The following NKAIN2 variants were observed in gnomAD, a reference collection of about 807,000 sequenced individuals.
NKAIN2 encodes sodium/potassium transporting ATPase interacting 2.
A neutral mutation model predicts 32.6 loss-of-function variants in NKAIN2; 14 were observed. That is an observed-to-expected ratio of 0.43 (90% CI 0.28 to 0.67). The LOEUF (loss-of-function observed/expected upper bound fraction) is 0.67. Ranked by LOEUF, NKAIN2 falls within the 30% of genes least tolerant of loss-of-function variation. The pLI, the probability that NKAIN2 is intolerant of heterozygous loss-of-function variation, is 0.17. For synonymous variants in NKAIN2, 80 were observed against 87.2 expected (o/e 0.92, Z 0.46); for missense variants, 198 against 258.3 (o/e 0.77, Z 1.60).
intron 1 of NKAIN2, among the ~76,000 whole-genome samples, chr6:123,806,461 GC>G (rs1773218416): frequency 2.6e-5 from 4 of 151,980 alleles, no homozygotes; most frequent in South Asian, 4.1e-4. Context: ...GGTAATTGTT[GC>G]TTTTTGGAAA....
At chr6:124,414,862 A>C (rs1036077344) in intron 3 of NKAIN2, among the ~76,000 whole-genome samples, 1 of 152,128 alleles carries the variant, frequency 6.6e-6, no homozygotes, top group African/African-American at 2.4e-5. Flanking sequence ...TGATATTGTT[A>C]ACTTGCTAAT....
chr6:124,054,299 C>A (rs1358807552), intron 1 of NKAIN2, among the ~76,000 whole-genome samples: 1 of 151,970 alleles, frequency 6.6e-6, no homozygotes, highest in Non-Finnish European at 1.5e-5. Flanking sequence ...ATAGAGAAAG[C>A]CTGACAGTGT....
At chr6:124,476,062 G>C (rs1248417502) in intron 3 of NKAIN2, among the ~76,000 whole-genome samples, 2 of 85,088 alleles carry the variant, frequency 2.4e-5, no homozygotes. Flanking sequence ...GAGAGAGAGA[G>C]AGAGTGTGTG....
At chr6:123,978,568 A>T (rs1778748684) in intron 1 of NKAIN2, among the ~76,000 whole-genome samples, 1 of 152,204 alleles carries the variant, frequency 6.6e-6, no homozygotes. Flanking sequence ...GTAGTCTCCT[A>T]GTCTCCCAGA....
At chr6:123,850,442 T>C (rs987018506) in intron 1 of NKAIN2, among the ~76,000 whole-genome samples, 2 of 151,842 alleles carry the variant, frequency 1.3e-5, no homozygotes, top group Non-Finnish European at 2.9e-5. Context: ...CCAGTCAATG[T>C]TATCAACAAA....
intron 1 of NKAIN2, among the ~76,000 whole-genome samples, chr6:123,900,634 A>C (rs1209125472): frequency 1.6e-5 from 2 of 128,836 alleles, no homozygotes; most frequent in East Asian, 5.3e-4. Context: ...TAACCCCCCG[A>C]GCTGGCGTCT....
At chr6:123,821,865 A>G (rs750135453) in intron 1 of NKAIN2, among the ~76,000 whole-genome samples, 35 of 152,238 alleles carry the variant, frequency 2.3e-4, no homozygotes, top group Non-Finnish European at 4.8e-4. Context: ...TAGTAAGAGT[A>G]GCAGGGGATG....
chr6:124,107,140 A>G (rs375165491), intron 1 of NKAIN2, among the ~76,000 whole-genome samples: 61 of 152,272 alleles, frequency 4.0e-4, no homozygotes, highest in African/African-American at 1.4e-3. Context: ...AACAAGTGCA[A>G]AGGCCTGAGG....
In NKAIN2 at chr6:123,935,306, A is replaced by G. The variant is rs188057649; in HGVS notation, c.54+131052A>G. Among the ~76,000 whole-genome samples, 47 of 151,586 alleles carry G rather than the reference A, an allele frequency of 3.1e-4. No individual in the cohort carries two copies. The Middle Eastern group carries it at 0.01, about 33-fold the overall frequency. ...GGGAGGTGTGAAATTATGAGGTGGT[A>G]TCCAAGTGTTTGGCTTAGAATGTCT... On this transcript the variant is annotated intron_variant, in intron 1 of 6. Transcript: ENST00000368417.
chr6:124,276,238 G>A (rs1259943743), intron 1 of NKAIN2, among the ~76,000 whole-genome samples: 1 of 150,062 alleles, frequency 6.7e-6, no homozygotes, highest in Non-Finnish European at 1.5e-5. Context: ...TACTAAATTA[G>A]GATAAATTAT....
rs557778048 is a variant in NKAIN2, at chr6:124,499,979, C to T, written c.273+144632C>T. Among the ~76,000 whole-genome samples, 34 of 152,202 alleles carry T rather than the reference C, an allele frequency of 2.2e-4. No homozygotes were observed. The South Asian group carries it at 5.2e-3, about 23-fold the overall frequency. Reference sequence around the variant, plus strand: ...TCTGAAAGTAGTAGTATACATTATGCGGAAAATAGTCCATGTGCAATAAAT... The same window carrying T: ...TCTGAAAGTAGTAGTATACATTATGTGGAAAATAGTCCATGTGCAATAAAT... On this transcript the variant is annotated intron_variant, in intron 3 of 6. Coordinates refer to ENST00000368417, the MANE Select transcript of NKAIN2 (RefSeq NM_001040214.3).
At chr6:124,693,880 G>A (rs1266725002) in intron 4 of NKAIN2, among the ~76,000 whole-genome samples, 3 of 152,062 alleles carry the variant, frequency 2.0e-5, no homozygotes, top group Non-Finnish European at 2.9e-5. Context: ...GAATCCAAGC[G>A]GGAACAGTAT....
chr6:124,425,281 A>G (rs1323024145), intron 3 of NKAIN2, among the ~76,000 whole-genome samples: 2 of 152,128 alleles, frequency 1.3e-5, no homozygotes, highest in Non-Finnish European at 2.9e-5. Flanking sequence ...AGGAAATGAA[A>G]TTAGACATGT....
chr6:124,404,714 A>T (rs1232095967), intron 3 of NKAIN2, among the ~76,000 whole-genome samples: 1 of 152,138 alleles, frequency 6.6e-6, no homozygotes, highest in African/African-American at 2.4e-5. Flanking sequence ...TTAAAGTTAC[A>T]AACTATGCAT....
chr6:123,991,986 G>T (rs1779433392), intron 1 of NKAIN2, among the ~76,000 whole-genome samples: 1 of 151,928 alleles, frequency 6.6e-6, no homozygotes, highest in African/African-American at 2.4e-5. Flanking sequence ...GTTTCAGGGT[G>T]GTCTTTTGTA....
chr6:124,582,181 G>A (rs1440870570), intron 3 of NKAIN2, among the ~76,000 whole-genome samples: 4 of 151,758 alleles, frequency 2.6e-5, no homozygotes, highest in Admixed American at 2.6e-4. Flanking sequence ...TAAAAAAGGA[G>A]ACATTACTAC....
intron 3 of NKAIN2, among the ~76,000 whole-genome samples, chr6:124,538,603 A>G (rs1457304131): frequency 1.3e-5 from 2 of 152,050 alleles, no homozygotes; most frequent in African/African-American, 4.8e-5. Flanking sequence ...AAAATTTTCA[A>G]CTATTATTCA....
chr6:124,121,357 C>A (rs956008102), intron 1 of NKAIN2, among the ~76,000 whole-genome samples: 1 of 151,956 alleles, frequency 6.6e-6, no homozygotes, highest in Non-Finnish European at 1.5e-5. Context: ...TATAAAATAT[C>A]ACCACCCATA....
At chr6:123,850,174 G>A (rs1775272398) in intron 1 of NKAIN2, among the ~76,000 whole-genome samples, 1 of 151,166 alleles carries the variant, frequency 6.6e-6, no homozygotes, top group African/African-American at 2.4e-5. Context: ...GATGTGATCA[G>A]ATCTCTCTCC....
Sources: gnomAD v4.1 joint callset for allele counts (sites outside exome capture counted in the v4.1 genomes callset) on GRCh38, gnomAD v4.1.1 for gene constraint, MANE v1.5 for transcripts, NCBI Gene and HGNC (gene_info 2026-07-23, HGNC 2026-07-21) for gene names.